Variants in GRID2 observed in about 807,000 individuals in gnomAD.
GRID2 encodes glutamate ionotropic receptor delta type subunit 2.
Under a neutral mutation model 114.8 loss-of-function variants are expected in GRID2, and 33 were observed. The observed-to-expected ratio is 0.29, with a 90% CI of 0.22 to 0.38. GRID2 has a LOEUF of 0.38. Ranked by LOEUF, GRID2 falls within the 10% of genes least tolerant of loss-of-function variation. The pLI, the probability that GRID2 is intolerant of heterozygous loss-of-function variation, is 1.00. For missense variants in GRID2, 1,184 were observed against 1,257.7 expected (o/e 0.94, Z 0.89); for synonymous variants, 505 against 449.9 (o/e 1.12, Z -1.55).
chr4:93,101,751 C>T (rs1731728705), intron 3 of GRID2, among the ~76,000 whole-genome samples: 1 of 152,110 alleles, frequency 6.6e-6, no homozygotes, highest in South Asian at 2.1e-4. Flanking sequence ...CAATCAGCCA[C>T]TACCTCTTGG....
At chr4:93,034,738 A>G (rs2149261529) in intron 2 of GRID2, among the ~76,000 whole-genome samples, 1 of 152,296 alleles carries the variant, frequency 6.6e-6, no homozygotes, top group Middle Eastern at 3.4e-3. Context: ...TTTCAACAGA[A>G]AAAAATCACC....
Position 92,780,797 on chromosome 4 carries a change from A to C in GRID2, c.244+190511A>C, listed in dbSNP as rs560312593. Among the ~76,000 whole-genome samples, 3 of 151,628 alleles carry C rather than the reference A, an allele frequency of 2.0e-5. No homozygotes were observed. In the East Asian group the frequency reaches 5.8e-4, roughly 29 times the overall value. On this transcript the variant is annotated intron_variant, in intron 2 of 15. Coordinates refer to ENST00000282020, the MANE Select transcript of GRID2 (RefSeq NM_001510.4). The stretch of plus-strand genomic sequence containing the variant: ...TTCATGCATGATAATAAAAAGCTAA[A>C]GGGATTAAAACTTGCTTATATGCCT...
chr4:92,334,318 G>A (rs1432889445), intron 1 of GRID2, among the ~76,000 whole-genome samples: 1 of 152,058 alleles, frequency 6.6e-6, no homozygotes, highest in Non-Finnish European at 1.5e-5. Context: ...TGCCCTTAAT[G>A]TTCCATTTAT....
At chr4:92,557,516 A>G (rs1038467975) in intron 1 of GRID2, among the ~76,000 whole-genome samples, 1 of 151,044 alleles carries the variant, frequency 6.6e-6, no homozygotes, top group Admixed American at 6.6e-5. Flanking sequence ...ATGGAAATAA[A>G]TTGCAACCAA....
At chr4:93,230,145 TGC>T (rs935749567) in intron 7 of GRID2, among the ~76,000 whole-genome samples, 6 of 110,938 alleles carry the variant, frequency 5.4e-5, no homozygotes, top group East Asian at 2.2e-4. Context: ...TGTGTGTGTA[TGC>T]GTGTGTGTGT....
At chr4:92,619,205 T>C (rs1158562108) in intron 2 of GRID2, among the ~76,000 whole-genome samples, 1 of 151,738 alleles carries the variant, frequency 6.6e-6, no homozygotes, top group Non-Finnish European at 1.5e-5. Context: ...TATTTAAAGT[T>C]CAGGCACTAT....
intron 2 of GRID2, among the ~76,000 whole-genome samples, chr4:92,720,764 T>A (rs1343303774): frequency 2.0e-5 from 3 of 152,020 alleles, no homozygotes; most frequent in Non-Finnish European, 4.4e-5. Context: ...GTACAAGCCA[T>A]CACTATTCAA....
At chr4:93,384,095 C>T (rs762332792) in intron 8 of GRID2, among the ~76,000 whole-genome samples, 108 of 152,230 alleles carry the variant, frequency 7.1e-4, no homozygotes, top group South Asian at 2.1e-3. Context: ...GCTTCGTAGA[C>T]GGCACATCTT....
intron 1 of GRID2, among the ~76,000 whole-genome samples, chr4:92,342,984 G>T (rs1727579603): frequency 6.6e-6 from 1 of 152,126 alleles, no homozygotes; most frequent in African/African-American, 2.4e-5. Context: ...GAATATATTT[G>T]TTAAGTGAAT....
chr4:93,511,094 G>A (rs368210804), intron 12 of GRID2, among the ~76,000 whole-genome samples: 5 of 151,854 alleles, frequency 3.3e-5, no homozygotes, highest in African/African-American at 9.7e-5. Flanking sequence ...GTACCAGCAC[G>A]CCCAGCTAAG....
At chr4:92,420,787 T>C (rs925668796) in intron 1 of GRID2, among the ~76,000 whole-genome samples, 1 of 152,140 alleles carries the variant, frequency 6.6e-6, no homozygotes, top group Non-Finnish European at 1.5e-5. Context: ...TGGGTTCAAG[T>C]GATTCTTATG....
At chr4:93,589,411 C>T (rs1737915920) in intron 13 of GRID2, among the ~76,000 whole-genome samples, 1 of 151,794 alleles carries the variant, frequency 6.6e-6, no homozygotes, top group African/African-American at 2.4e-5. Context: ...CATAGTATTC[C>T]ATGGTGTATA....
At chr4:92,647,628 T>G (rs1331011542) in intron 2 of GRID2, among the ~76,000 whole-genome samples, 1 of 149,688 alleles carries the variant, frequency 6.7e-6, no homozygotes, top group Non-Finnish European at 1.5e-5. Context: ...AGTTAAAAAT[T>G]TCTATAGCAT....
chr4:93,208,743 A>G (rs1743102803), intron 5 of GRID2, among the ~76,000 whole-genome samples: 1 of 151,946 alleles, frequency 6.6e-6, no homozygotes, highest in South Asian at 2.1e-4. Flanking sequence ...TTAGGTTTCT[A>G]TGAATTTTAG....
intron 2 of GRID2, among the ~76,000 whole-genome samples, chr4:92,960,095 T>A (rs950625385): frequency 5.9e-5 from 9 of 152,098 alleles, no homozygotes; most frequent in African/African-American, 1.9e-4. Flanking sequence ...CTGTTATGGA[T>A]TTCTGGTTTA....
intron 14 of GRID2, among the ~76,000 whole-genome samples, chr4:93,702,284 T>G (rs1204694791): frequency 6.6e-6 from 1 of 152,178 alleles, no homozygotes; most frequent in African/African-American, 2.4e-5. Context: ...AACAAATAAT[T>G]GTTTTGCTTA....
intron 8 of GRID2, among the ~76,000 whole-genome samples, chr4:93,351,142 G>T (rs1351110167): frequency 6.6e-6 from 1 of 152,064 alleles, no homozygotes; most frequent in Non-Finnish European, 1.5e-5. Context: ...TACAATTAAA[G>T]GTGAGATTTG....
chr4:92,399,719 TTA>T (rs1579298742), intron 1 of GRID2, among the ~76,000 whole-genome samples: 2 of 151,140 alleles, frequency 1.3e-5, no homozygotes, highest in African/African-American at 4.9e-5. Context: ...GTGTATTTAA[TTA>T]TATAAAATTT....
chr4:93,387,748 T>G (rs1205616362), intron 8 of GRID2, among the ~76,000 whole-genome samples: 1 of 150,448 alleles, frequency 6.6e-6, no homozygotes, highest in Non-Finnish European at 1.5e-5. Flanking sequence ...GAGAATCGCT[T>G]GAACCTGGGA....
Sources: gnomAD v4.1 joint callset for allele counts (sites outside exome capture counted in the v4.1 genomes callset) on GRCh38, gnomAD v4.1.1 for gene constraint, MANE v1.5 for transcripts, NCBI Gene and HGNC (gene_info 2026-07-23, HGNC 2026-07-21) for gene names.